Variants in EYS observed in about 807,000 individuals in gnomAD.
The protein encoded by EYS is protein eyes shut homolog.
In EYS, 250 loss-of-function variants were observed where a neutral mutation model predicts 282.1. That is an observed-to-expected ratio of 0.89 (90% CI 0.80 to 0.98). The LOEUF (loss-of-function observed/expected upper bound fraction) is 0.98. EYS is among the 50% of genes least tolerant of loss of function. The pLI, the probability that EYS is intolerant of heterozygous loss-of-function variation, is 0.00. For missense variants in EYS, 4,016 were observed against 3,709.0 expected, an observed-to-expected ratio of 1.08 and a Z score of -2.15; for synonymous variants, 1,355 against 1,282.9, an observed-to-expected ratio of 1.06 and a Z score of -1.20.
At chr6:64,507,637 G>T (rs534310274) in intron 26 of EYS, among the ~76,000 whole-genome samples, 1 of 152,110 alleles carries the variant, frequency 6.6e-6, no homozygotes, top group South Asian at 2.1e-4. Context: ...GAATCAACTG[G>T]GTAAAGCTAG....
intron 12 of EYS, among the ~76,000 whole-genome samples, chr6:65,266,934 A>T (rs964586092): frequency 7.8e-6 from 1 of 128,594 alleles, no homozygotes; most frequent in Non-Finnish European, 1.6e-5. Flanking sequence ...ATATACACAA[A>T]CATTGATATA....
At chr6:64,265,779 G>T (rs1767738718) in intron 30 of EYS, among the ~76,000 whole-genome samples, 1 of 152,008 alleles carries the variant, frequency 6.6e-6, no homozygotes. Flanking sequence ...TTTATATCAG[G>T]TGCTTAGTAC....
At chr6:64,240,526 G>A (rs1766786787) in intron 30 of EYS, among the ~76,000 whole-genome samples, 1 of 152,250 alleles carries the variant, frequency 6.6e-6, no homozygotes, top group South Asian at 2.1e-4. Flanking sequence ...TTGTGAATGG[G>A]AGTTCACTCA....
intron 12 of EYS, among the ~76,000 whole-genome samples, chr6:65,196,312 T>C (rs1475219263): frequency 1.3e-5 from 2 of 152,098 alleles, no homozygotes. Context: ...AAATAACCTT[T>C]ACCATTCCCA....
intron 28 of EYS, among the ~76,000 whole-genome samples, chr6:64,426,381 T>G (rs1179664405): frequency 6.6e-6 from 1 of 152,152 alleles, no homozygotes; most frequent in African/African-American, 2.4e-5. Context: ...TGTGGGAACA[T>G]GGATACCAGA....
chr6:65,510,145 A>G (rs1017287218), intron 2 of EYS, among the ~76,000 whole-genome samples: 48 of 147,786 alleles, frequency 3.2e-4, no homozygotes, highest in African/African-American at 1.0e-3. Flanking sequence ...AGCATTAGGT[A>G]TATCTCCCAA....
intron 30 of EYS, among the ~76,000 whole-genome samples, chr6:64,263,193 A>G (rs1767645519): frequency 6.6e-6 from 1 of 152,020 alleles, no homozygotes; most frequent in African/African-American, 2.4e-5. Context: ...AACTGTTATA[A>G]TCTCCTCACT....
intron 19 of EYS, among the ~76,000 whole-genome samples, chr6:64,830,972 C>T (rs957814292): frequency 3.9e-5 from 6 of 151,912 alleles, no homozygotes; most frequent in African/African-American, 9.7e-5. Context: ...TGAGTGAAGG[C>T]GACTCAGTAT....
intron 29 of EYS, among the ~76,000 whole-genome samples, chr6:64,360,330 A>T (rs764036127): frequency 4.7e-4 from 71 of 151,774 alleles, no homozygotes; most frequent in South Asian, 1.5e-3. Flanking sequence ...TCATGTTGTG[A>T]TATTTGGAGG....
chr6:64,784,268 ATTG>A (rs1335243727), intron 22 of EYS, among the ~76,000 whole-genome samples: 1 of 151,538 alleles, frequency 6.6e-6, no homozygotes, highest in Non-Finnish European at 1.5e-5. Flanking sequence ...CTTTAAAATA[ATTG>A]TTTTTTCCTA....
At chr6:65,435,849 G>T (rs1185437743) in intron 5 of EYS, among the ~76,000 whole-genome samples, 1 of 152,106 alleles carries the variant, frequency 6.6e-6, no homozygotes, top group African/African-American at 2.4e-5. Flanking sequence ...AAGTAAAGGA[G>T]ATTAGGACAT....
chr6:65,180,144 A>T (rs190317095), intron 12 of EYS, among the ~76,000 whole-genome samples: 1 of 152,192 alleles, frequency 6.6e-6, no homozygotes, highest in African/African-American at 2.4e-5. Context: ...GAAAACGGGC[A>T]CAAGACAGGG....
At chr6:64,178,418 A>G (rs1764696903) in intron 31 of EYS, among the ~76,000 whole-genome samples, 2 of 152,104 alleles carry the variant, frequency 1.3e-5, no homozygotes, top group South Asian at 2.1e-4. Flanking sequence ...AATTTTCTAC[A>G]TGAGTGGAAT....
chr6:65,296,162 T>C, intron 11 of EYS, 43 bp from the exon 12 acceptor site: 1 of 1,452,124 alleles, frequency 6.9e-7, no homozygotes. Context: ...TCATATACTT[T>C]ATTTTGATAT....
chr6:65,108,930 C>G (rs1775124844), intron 12 of EYS, among the ~76,000 whole-genome samples: 1 of 151,930 alleles, frequency 6.6e-6, no homozygotes, highest in Non-Finnish European at 1.5e-5. Context: ...TGTTGGTATA[C>G]TTGAAAGTTC....
At chr6:65,330,753 C>T (rs1307405476) in intron 11 of EYS, 4 of 960,296 alleles carry the variant, frequency 4.2e-6, no homozygotes, top group African/African-American at 1.8e-5. Flanking sequence ...TTCTCCATCC[C>T]GAAATCACAA....
intron 5 of EYS, among the ~76,000 whole-genome samples, chr6:65,473,121 G>C (rs1169432180): frequency 6.6e-6 from 1 of 151,894 alleles, no homozygotes; most frequent in Admixed American, 6.6e-5. Flanking sequence ...TCGGTAAGGA[G>C]AGAAATTCAG....
chr6:65,437,508 A>C (rs966118425), intron 5 of EYS, among the ~76,000 whole-genome samples: 3 of 152,166 alleles, frequency 2.0e-5, no homozygotes, highest in Admixed American at 6.6e-5. Flanking sequence ...TGAGAAAATA[A>C]AGATACTAAT....
intron 35 of EYS, among the ~76,000 whole-genome samples, chr6:63,874,356 C>G (rs1772904782): frequency 6.6e-6 from 1 of 152,112 alleles, no homozygotes; most frequent in East Asian, 1.9e-4. Flanking sequence ...TGGTCTATAT[C>G]TCTGTTTTGG....
Sources: allele counts gnomAD v4.1 joint callset (sites outside exome capture counted in the v4.1 genomes callset), GRCh38; gene constraint gnomAD v4.1.1; transcripts MANE v1.5; gene names NCBI Gene and HGNC (gene_info 2026-07-23, HGNC 2026-07-21).